Variants in TMEFF2 observed in about 807,000 individuals in gnomAD.
TMEFF2 encodes the protein transmembrane protein with EGF like and two follistatin like domains 2.
Under a neutral mutation model 53.8 loss-of-function variants are expected in TMEFF2, and 28 were observed. The ratio of observed to expected loss-of-function variants is 0.52; its 90% CI spans 0.39 to 0.71. The LOEUF (loss-of-function observed/expected upper bound fraction) is 0.71, where lower values mean the gene tolerates loss of function less well. TMEFF2 is among the 30% of genes least tolerant of loss of function. The probability of loss-of-function intolerance (pLI) is 0.00; values close to 1 mark genes in which losing one functional copy is unlikely to be tolerated. For missense variants in TMEFF2, 353 were observed against 455.2 expected, an observed-to-expected ratio of 0.78 and a Z score of 2.04; for synonymous variants, 162 against 166.3, an observed-to-expected ratio of 0.97 and a Z score of 0.20.
intron 7 of TMEFF2, among the ~76,000 whole-genome samples, chr2:191,962,429 TC>T (rs1476914306): frequency 1.3e-5 from 2 of 152,214 alleles, no homozygotes. Flanking sequence ...TACTGGATTA[TC>T]AGGCAAGGCC....
intron 4 of TMEFF2, among the ~76,000 whole-genome samples, chr2:192,082,275 G>A (rs13011217): frequency 0.28 from 42,436 of 151,846 alleles, 6,474 homozygotes; most frequent in Non-Finnish European, 0.36. Flanking sequence ...TCCCTTACCC[G>A]TGGCACACAC....
intron 2 of TMEFF2, among the ~76,000 whole-genome samples, chr2:192,190,126 T>A (rs1691426446): frequency 6.6e-6 from 1 of 152,198 alleles, no homozygotes; most frequent in Non-Finnish European, 1.5e-5. Context: ...CTGTGGCACC[T>A]ATAAAATGAA....
intron 4 of TMEFF2, among the ~76,000 whole-genome samples, chr2:192,135,885 G>A (rs1449912776): frequency 1.3e-5 from 2 of 151,596 alleles, no homozygotes; most frequent in Non-Finnish European, 2.9e-5. Context: ...TGGCTCAGAA[G>A]CTCCCCCACT....
intron 5 of TMEFF2, among the ~76,000 whole-genome samples, chr2:192,032,906 C>CT (rs1186398099): frequency 6.6e-6 from 1 of 152,106 alleles, no homozygotes; most frequent in Non-Finnish European, 1.5e-5. Context: ...GTTTTTTTCT[C>CT]TAACAACAAC....
intron 4 of TMEFF2, among the ~76,000 whole-genome samples, chr2:192,112,033 G>T (rs1324358001): frequency 1.3e-5 from 2 of 152,218 alleles, no homozygotes; most frequent in Non-Finnish European, 2.9e-5. Flanking sequence ...CATGGATGGA[G>T]ACCTCATGAG....
chr2:191,962,337 C>T (rs12612716), intron 7 of TMEFF2, among the ~76,000 whole-genome samples: 104,106 of 152,020 alleles, frequency 0.68, 37,124 homozygotes, highest in East Asian at 0.91. Flanking sequence ...ATGTGATTAT[C>T]CTTATCGTTG....
intron 4 of TMEFF2, among the ~76,000 whole-genome samples, chr2:192,107,090 T>A (rs1055784539): frequency 4.0e-5 from 6 of 151,764 alleles, no homozygotes; most frequent in Non-Finnish European, 8.9e-5. Flanking sequence ...AAAAGAGAGT[T>A]AAAATGAGTT....
In TMEFF2 at chr2:192,096,758, C is replaced by A. The variant is rs1158358792; in HGVS notation, c.440-38983G>T. On this transcript the variant is annotated intron_variant, in intron 4 of 9. Coordinates refer to ENST00000272771, the MANE Select transcript of TMEFF2 (RefSeq NM_016192.4). ...GTGGTACAATCTCAGCTCACTGCAA[C>A]CTCCGCCTCCTGAGTTCAAGTGATT... Among the ~76,000 whole-genome samples the A allele has an allele frequency of 2.1e-5, 3 of 145,778 alleles. No individual in the cohort carries two copies. In the Admixed American group the frequency reaches 2.1e-4, roughly 10 times the overall value.
chr2:192,123,699 ACT>A (rs1361569767), intron 4 of TMEFF2, among the ~76,000 whole-genome samples: 2 of 152,186 alleles, frequency 1.3e-5, no homozygotes, highest in Non-Finnish European at 2.9e-5. Flanking sequence ...ACTAAAACTT[ACT>A]CTGTTAAAAT....
chr2:192,134,414 G>A lies in TMEFF2; in HGVS notation c.439+45254C>T, dbSNP rs1401257900. The stretch of plus-strand genomic sequence containing the variant: ...GATTTATTGATGGCAGTTCCACCAG[G>A]CCTAATCGCCACACACCAGCAAAGG... On this transcript the variant is annotated intron_variant, in intron 4 of 9. Coordinates refer to ENST00000272771, the MANE Select transcript of TMEFF2 (RefSeq NM_016192.4). Among the ~76,000 whole-genome samples, 5 of 152,042 alleles carry A rather than the reference G, an allele frequency of 3.3e-5. No individual in the cohort carries two copies. The South Asian group carries it at 1.0e-3, about 32-fold the overall frequency.
intron 5 of TMEFF2, among the ~76,000 whole-genome samples, chr2:192,009,551 C>T (rs1686578329): frequency 6.6e-6 from 1 of 151,972 alleles, no homozygotes; most frequent in South Asian, 2.1e-4. Context: ...AATGTTTATC[C>T]TTCATGATTA....
At chr2:192,045,354 G>A (rs1020347253) in intron 5 of TMEFF2, among the ~76,000 whole-genome samples, 1 of 152,172 alleles carries the variant, frequency 6.6e-6, no homozygotes, top group Non-Finnish European at 1.5e-5. Flanking sequence ...TTTGGTAGAT[G>A]GTCAAGGACT....
At chr2:192,138,076 C>G (rs1187584758) in intron 4 of TMEFF2, among the ~76,000 whole-genome samples, 1 of 152,152 alleles carries the variant, frequency 6.6e-6, no homozygotes, top group African/African-American at 2.4e-5. Context: ...GCCTTGGCCT[C>G]CCAAAGTGCT....
intron 4 of TMEFF2, among the ~76,000 whole-genome samples, chr2:192,126,735 G>A (rs1457923229): frequency 6.6e-6 from 1 of 152,174 alleles, no homozygotes; most frequent in Non-Finnish European, 1.5e-5. Flanking sequence ...CTGAGGCTCA[G>A]AGAGACAGGG....
At chr2:192,152,464 G>A (rs536027751) in intron 4 of TMEFF2, among the ~76,000 whole-genome samples, 22 of 151,536 alleles carry the variant, frequency 1.5e-4, no homozygotes, top group African/African-American at 5.3e-4. Context: ...ATATAATAGG[G>A]TCATGAAAAA....
At chr2:191,953,975 G>A (rs1464359029) in intron 8 of TMEFF2, 138 bp from the exon 9 acceptor site, 31 of 685,862 alleles carry the variant, frequency 4.5e-5, no homozygotes, top group South Asian at 6.2e-5. Flanking sequence ...TGCAAGTTCC[G>A]CCTCCGGGTT....
chr2:192,062,413 G>A (rs1259629452), intron 4 of TMEFF2, among the ~76,000 whole-genome samples: 2 of 152,122 alleles, frequency 1.3e-5, no homozygotes, highest in African/African-American at 4.8e-5. Context: ...GGATATCTGG[G>A]TTGTTTTCAG....
chr2:191,975,769 T>TTAAAGATGAGTTTAATATAGAGA (rs1685711292), intron 7 of TMEFF2, among the ~76,000 whole-genome samples: 1 of 152,176 alleles, frequency 6.6e-6, no homozygotes, highest in Non-Finnish European at 1.5e-5. Flanking sequence ...TCCATGCCAA[T>TTAAAGATGAGTTTAATATAGAGA]TAAAGATGAG....
intron 7 of TMEFF2, among the ~76,000 whole-genome samples, chr2:191,978,313 T>G (rs1685778762): frequency 6.6e-6 from 1 of 152,176 alleles, no homozygotes; most frequent in Admixed American, 6.5e-5. Context: ...ACTCTCAGCT[T>G]CTTAAATAGG....
Sources: allele counts gnomAD v4.1 joint callset (sites outside exome capture counted in the v4.1 genomes callset), GRCh38; gene constraint gnomAD v4.1.1; transcripts MANE v1.5; gene names NCBI Gene and HGNC (gene_info 2026-07-23, HGNC 2026-07-21).